Variants in SLC25A21 observed in about 807,000 individuals in gnomAD.
SLC25A21 encodes mitochondrial 2-oxodicarboxylate carrier.
In SLC25A21, 47 loss-of-function variants were observed where a neutral mutation model predicts 43.8. The observed-to-expected ratio is 1.07, with a 90% CI of 0.85 to 1.37. SLC25A21 has a LOEUF of 1.37. Ranked by LOEUF, SLC25A21 falls within the 40% of genes most tolerant of loss-of-function variation. SLC25A21 has a pLI of 0.00. For synonymous variants in SLC25A21, 131 were observed against 121.3 expected (o/e 1.08, Z -0.52); for missense variants, 352 against 350.2 (o/e 1.00, Z -0.04).
At chr14:36,704,542 A>T (rs1883416828) in intron 7 of SLC25A21, among the ~76,000 whole-genome samples, 1 of 151,854 alleles carries the variant, frequency 6.6e-6, no homozygotes, top group Non-Finnish European at 1.5e-5. Context: ...CTGTAATCCC[A>T]GCTACTCAGG....
chr14:36,689,326 G>A (rs1355035549), intron 7 of SLC25A21, among the ~76,000 whole-genome samples: 1 of 152,158 alleles, frequency 6.6e-6, no homozygotes, highest in African/African-American at 2.4e-5. Context: ...CAACATGTGG[G>A]AATTATGGGA....
At chr14:36,743,734 G>T (rs1022545573) in intron 3 of SLC25A21, among the ~76,000 whole-genome samples, 1 of 151,954 alleles carries the variant, frequency 6.6e-6, no homozygotes. Context: ...AGAAATAAAA[G>T]GATCAAAATT....
At position 36,678,895 on chromosome 14, in the gene SLC25A21, AG is replaced by A; in HGVS notation, c.*1762del. ...CTATTCAAAGAAAATTATGATTTAA[AG>A]CCACTTTTTAAAATACGAGAAGGAA... On this transcript the variant is annotated 3_prime_UTR_variant, in exon 10 of 10. Transcript: ENST00000331299. 4.1e-6 allele frequency: 4 copies of A among 976,724 alleles called. No homozygotes were observed. The highest frequency in any genetic ancestry group is 4.9e-6 in the Non-Finnish European group (4 of 821,188). 60.5% of individuals were successfully genotyped at this position (976,724 alleles called of 1,614,324 possible). A position where few individuals can be genotyped will look rare whatever the true frequency, so the allele number is the denominator to read the frequency against.
intron 1 of SLC25A21, among the ~76,000 whole-genome samples, chr14:36,908,230 A>G (rs141555775): frequency 6.6e-6 from 1 of 152,216 alleles, no homozygotes; most frequent in Non-Finnish European, 1.5e-5. Context: ...GGCCTTTGAT[A>G]TAATGATATG....
At chr14:36,922,897 T>C (rs779574654) in intron 1 of SLC25A21, among the ~76,000 whole-genome samples, 2 of 152,016 alleles carry the variant, frequency 1.3e-5, no homozygotes, top group African/African-American at 4.8e-5. Flanking sequence ...GACAGTGAAA[T>C]CCAGACCCTC....
At chr14:37,131,753 C>T (rs1963395207) in intron 1 of SLC25A21, among the ~76,000 whole-genome samples, 1 of 152,190 alleles carries the variant, frequency 6.6e-6, no homozygotes, top group Admixed American at 6.5e-5. Context: ...CAGCTTACCG[C>T]AGTCTCCATA....
intron 1 of SLC25A21, among the ~76,000 whole-genome samples, chr14:37,132,701 C>T (rs1963410718): frequency 6.6e-6 from 1 of 151,604 alleles, no homozygotes; most frequent in Non-Finnish European, 1.5e-5. Context: ...TGAATGTGCT[C>T]CTTTTCTACC....
At chr14:37,164,577 CT>C (rs982953255) in intron 1 of SLC25A21, among the ~76,000 whole-genome samples, 4 of 152,178 alleles carry the variant, frequency 2.6e-5, no homozygotes, top group South Asian at 2.1e-4. Context: ...TGATTACCCC[CT>C]GGTGTATCAG....
chr14:36,933,010 T>C (rs1239547849), intron 1 of SLC25A21, among the ~76,000 whole-genome samples: 1 of 152,158 alleles, frequency 6.6e-6, no homozygotes, highest in Non-Finnish European at 1.5e-5. Context: ...TTTGGTAGAA[T>C]TACATAAAAT....
intron 3 of SLC25A21, among the ~76,000 whole-genome samples, chr14:36,779,262 T>C (rs1042120946): frequency 2.1e-5 from 3 of 146,124 alleles, no homozygotes; most frequent in Admixed American, 1.4e-4. Flanking sequence ...ATATAATATA[T>C]AAGAATATAT....
chr14:37,084,254 C>T (rs1371646671), intron 1 of SLC25A21, among the ~76,000 whole-genome samples: 1 of 152,160 alleles, frequency 6.6e-6, no homozygotes, highest in Non-Finnish European at 1.5e-5. Context: ...ATCTCAAACT[C>T]GCTTGTGATA....
chr14:36,699,451 G>A (rs1883182693), intron 7 of SLC25A21, among the ~76,000 whole-genome samples: 1 of 152,160 alleles, frequency 6.6e-6, no homozygotes, highest in Non-Finnish European at 1.5e-5. Flanking sequence ...GAGCTCAAAC[G>A]CCATGCTGGG....
At chr14:36,835,929 C>T (rs972981535) in intron 2 of SLC25A21, among the ~76,000 whole-genome samples, 1 of 152,180 alleles carries the variant, frequency 6.6e-6, no homozygotes, top group Non-Finnish European at 1.5e-5. Flanking sequence ...GGTACCCAGC[C>T]ACTTGTCTTA....
chr14:36,833,599 A>G (rs574623789), intron 2 of SLC25A21, among the ~76,000 whole-genome samples: 1 of 152,370 alleles, frequency 6.6e-6, no homozygotes, highest in African/African-American at 2.4e-5. Context: ...TACTTAGGAA[A>G]GGGCACTGGC....
chr14:36,985,073 A>G (rs2138704916), intron 1 of SLC25A21, among the ~76,000 whole-genome samples: 1 of 151,724 alleles, frequency 6.6e-6, no homozygotes, highest in South Asian at 2.1e-4. Flanking sequence ...AACTATCACA[A>G]GAACAAAAAA....
intron 2 of SLC25A21, among the ~76,000 whole-genome samples, chr14:36,843,259 C>A (rs535067380): frequency 1.3e-5 from 2 of 152,276 alleles, no homozygotes; most frequent in East Asian, 3.9e-4. Context: ...AGGGAAGAAA[C>A]TGGATTGCCA....
intron 4 of SLC25A21, 98 bp downstream of exon 4, chr14:36,734,409 G>T: frequency 2.8e-6 from 2 of 726,300 alleles, no homozygotes; most frequent in Non-Finnish European, 2.0e-6. Context: ...AATTTTTAGT[G>T]CTTTATATAT....
intron 3 of SLC25A21, among the ~76,000 whole-genome samples, chr14:36,785,478 G>A (rs1047683842): frequency 6.6e-6 from 1 of 152,168 alleles, no homozygotes; most frequent in African/African-American, 2.4e-5. Flanking sequence ...CATCTACCCT[G>A]GAGGGATGGA....
At chr14:36,873,041 T>C (rs929537495) in intron 2 of SLC25A21, among the ~76,000 whole-genome samples, 1 of 152,198 alleles carries the variant, frequency 6.6e-6, no homozygotes, top group Non-Finnish European at 1.5e-5. Context: ...ATTAAATCAT[T>C]CTTATTTCTC....
Sources: gnomAD v4.1 joint callset for allele counts (sites outside exome capture counted in the v4.1 genomes callset) on GRCh38, gnomAD v4.1.1 for gene constraint, MANE v1.5 for transcripts, NCBI Gene and HGNC (gene_info 2026-07-23, HGNC 2026-07-21) for gene names.